KCNC4: variants seen among roughly 807,000 people sequenced by gnomAD.
The protein encoded by KCNC4 is voltage-gated potassium channel KCNC4.
In KCNC4, 23 loss-of-function variants were observed where a neutral mutation model predicts 42.8. The observed-to-expected ratio is 0.54, with a 90% CI of 0.39 to 0.76. The LOEUF (loss-of-function observed/expected upper bound fraction) is 0.76, where lower values mean the gene tolerates loss of function less well. Ranked by LOEUF, KCNC4 falls within the 30% of genes least tolerant of loss-of-function variation. The probability of loss-of-function intolerance (pLI) is 0.00; values close to 1 mark genes in which losing one functional copy is unlikely to be tolerated. For missense variants in KCNC4, 751 were observed against 898.2 expected, an observed-to-expected ratio of 0.84 and a Z score of 2.10; for synonymous variants, 422 against 393.5, an observed-to-expected ratio of 1.07 and a Z score of -0.86.
intron 2 of KCNC4, 100 bp from the exon 3 acceptor site, chr1:110,225,875 G>A: frequency 4.3e-6 from 5 of 1,163,980 alleles, no homozygotes; most frequent in Non-Finnish European, 4.9e-6. Flanking sequence ...CCCTCCCAAG[G>A]TTGAGGAAGT....
At chr1:110,230,942 G>T (rs1417486313) in intron 3 of KCNC4, among the ~76,000 whole-genome samples, 1 of 152,208 alleles carries the variant, frequency 6.6e-6, no homozygotes, top group Non-Finnish European at 1.5e-5. Flanking sequence ...TTGAGAGAAG[G>T]CTCTCTCCCA....
chr1:110,283,357 G>A (rs528778241), downstream of KCNC4, among the ~76,000 whole-genome samples: 1 of 152,102 alleles, frequency 6.6e-6, no homozygotes, highest in Non-Finnish European at 1.5e-5. Context: ...AATGTAAAAT[G>A]GTGAGTATTC....
chr1:110,226,602 A>G (rs773290842), intron 3 of KCNC4, among the ~76,000 whole-genome samples: 14 of 152,184 alleles, frequency 9.2e-5, no homozygotes, highest in Non-Finnish European at 1.9e-4. Flanking sequence ...AGGTGCCAAC[A>G]ACGTTCAAGA....
At chr1:110,260,877 C>A (rs1054639757) in intron 1 of KCNC4, among the ~76,000 whole-genome samples, 9 of 152,284 alleles carry the variant, frequency 5.9e-5, no homozygotes, top group South Asian at 4.1e-4. Context: ...TTGCAGTGAG[C>A]CGAGATCGCG....
At chr1:110,230,084 C>CTGTGCCCG (rs1345825200) in intron 3 of KCNC4, among the ~76,000 whole-genome samples, 4 of 152,168 alleles carry the variant, frequency 2.6e-5, no homozygotes, top group African/African-American at 9.7e-5. Flanking sequence ...TGTGTAAAGC[C>CTGTGCCCG]TGTGCCCGGA....
intron 1 of KCNC4, among the ~76,000 whole-genome samples, chr1:110,282,248 C>T (rs1419721193): frequency 6.6e-6 from 1 of 152,230 alleles, no homozygotes; most frequent in Non-Finnish European, 1.5e-5. Flanking sequence ...AAAATGTCAT[C>T]CCTTGAGTGG....
In KCNC4 at chr1:110,211,650, C is replaced by T. The variant is rs1443806923; in HGVS notation, c.151C>T (p.Arg51Cys). Residue 51 changes from arginine to cysteine, a missense_variant, in exon 1 of 4, where the codon CGC becomes TGC. Transcript: ENST00000438661. This position sits in a 1 kb window ranked among gnomAD's most constrained non-coding sequence, Gnocchi z 6.5. ...NVGGTRHETY[R>C]STLRTLPGTR... ...GGGCGGCACGCGACATGAGACCTACCGCAGCACCCTGCGCACCCTACCGGG... is the reference window on the plus strand; with the variant it reads ...GGGCGGCACGCGACATGAGACCTACTGCAGCACCCTGCGCACCCTACCGGG... The T allele has an allele frequency of 1.9e-6, 3 of 1,613,676 alleles. No individual in the cohort carries two copies. The highest frequency in any genetic ancestry group is 1.7e-5 in the Admixed American group (1 of 60,014).
At chr1:110,222,190 C>CTCA (rs767643752) in intron 1 of KCNC4, 13 of 152,206 alleles carry the variant, frequency 8.5e-5, no homozygotes, top group Non-Finnish European at 1.3e-4. Context: ...TAGGGGCTTC[C>CTCA]TCACCATCTA....
chr1:110,226,023 G>T lies in KCNC4; in HGVS notation c.1664G>T (p.Gly555Val). ...DANAVLSDEE[G>V]AGLTQPLASS... ...AACGCAGTGCTGTCTGATGAGGAGG[G>T]AGCTGGCCTCACCCAACCCCTGGCC... is the stretch of plus-strand genomic sequence containing the variant. The change falls in exon 3 of 4, where the codon GGA becomes GTA. Residue 555 changes from glycine (G) to valine (V), a missense_variant. Gly to Val is a moderately radical substitution (Grantham distance 109, BLOSUM62 -3). Transcript: ENST00000438661. 2 of 1,613,282 alleles carry T rather than the reference G, an allele frequency of 1.2e-6. No individual in the cohort carries two copies. The highest frequency in any genetic ancestry group is 1.7e-6 in the Non-Finnish European group (2 of 1,179,502).
intron 3 of KCNC4, 156 bp from the exon 4 acceptor site, chr1:110,232,755 C>T (rs1658760392): frequency 6.5e-7 from 1 of 1,534,882 alleles, no homozygotes; most frequent in African/African-American, 1.4e-5. Context: ...ACTCCTTAGC[C>T]CACACCCTGT....
intron 1 of KCNC4, among the ~76,000 whole-genome samples, chr1:110,275,606 A>G (rs1659704016): frequency 6.6e-6 from 1 of 152,198 alleles, no homozygotes; most frequent in African/African-American, 2.4e-5. Context: ...CTGAGTGTCC[A>G]TCAATGGAGG....
intron 1 of KCNC4, among the ~76,000 whole-genome samples, chr1:110,261,896 CA>C (rs1470643351): frequency 6.6e-6 from 1 of 152,144 alleles, no homozygotes; most frequent in Non-Finnish European, 1.5e-5. Flanking sequence ...TTTTCTTATA[CA>C]AAACAACAAG....
Position 110,210,776 on chromosome 1 carries a change from C to T in KCNC4, c.-724C>T, listed in dbSNP as rs533585393. Among the ~76,000 whole-genome samples the T allele has an allele frequency of 6.6e-6, 1 of 151,954 alleles. No individual in the cohort carries two copies. The highest frequency in any genetic ancestry group is 2.1e-4 in the South Asian group (1 of 4,822). ...ACGCAGGACCCGAGGCTCGCTCCTGCGGGCGCGCTTGTTTTCCAGCTGCCG... is the reference window on the plus strand; with the variant it reads ...ACGCAGGACCCGAGGCTCGCTCCTGTGGGCGCGCTTGTTTTCCAGCTGCCG... On this transcript the variant is annotated 5_prime_UTR_variant, in exon 1 of 4. Coordinates refer to ENST00000438661, the MANE Select transcript of KCNC4 (RefSeq NM_001039574.3).
At chr1:110,266,012 G>T (rs1659534749) in intron 1 of KCNC4, among the ~76,000 whole-genome samples, 1 of 152,226 alleles carries the variant, frequency 6.6e-6, no homozygotes, top group Non-Finnish European at 1.5e-5. Flanking sequence ...TTCACATAGA[G>T]AGCTAGGGAC....
intron 1 of KCNC4, among the ~76,000 whole-genome samples, chr1:110,271,478 A>C (rs4839281): frequency 0.28 from 42,276 of 152,050 alleles, 6,274 homozygotes; most frequent in Admixed American, 0.42. Flanking sequence ...CTAGTCTAGA[A>C]AATTTCTCTT....
chr1:110,270,393 A>G (rs1251305397), intron 1 of KCNC4, among the ~76,000 whole-genome samples: 6 of 152,252 alleles, frequency 3.9e-5, no homozygotes, highest in African/African-American at 1.4e-4. Context: ...GAGAGGGAAC[A>G]GCCATGAAAA....
intron 3 of KCNC4, among the ~76,000 whole-genome samples, chr1:110,231,357 A>G (rs1658681024): frequency 6.6e-6 from 1 of 152,108 alleles, no homozygotes; most frequent in African/African-American, 2.4e-5. Flanking sequence ...GTAAGAATCC[A>G]GGATGAGATT....
chr1:110,210,386 G>A lies in KCNC4; in HGVS notation c.-1114G>A, dbSNP rs1657364143. On this transcript the variant is annotated 5_prime_UTR_variant, in exon 1 of 4. Coordinates refer to ENST00000438661, the MANE Select transcript of KCNC4 (RefSeq NM_001039574.3). ...CCTAGGGCCCCAGCCCACCGGCGCCGAGGCGCCCCCTCCCCTATGCCACCT... is the reference window on the plus strand; with the variant it reads ...CCTAGGGCCCCAGCCCACCGGCGCCAAGGCGCCCCCTCCCCTATGCCACCT... 2.0e-5 allele frequency among the ~76,000 whole-genome samples: 3 copies of A among 151,778 alleles called. No homozygotes were observed. Among genetic ancestry groups the A allele is most frequent in the East Asian group, 1.9e-4 (1 of 5,154 alleles).
intron 1 of KCNC4, among the ~76,000 whole-genome samples, chr1:110,267,492 C>T (rs1004694077): frequency 1.3e-5 from 2 of 152,124 alleles, no homozygotes; most frequent in South Asian, 2.1e-4. Context: ...ATGCCTCCAC[C>T]GCCCACATGA....
Sources: allele counts gnomAD v4.1 joint callset (sites outside exome capture counted in the v4.1 genomes callset), GRCh38; gene constraint gnomAD v4.1.1; non-coding constraint Gnocchi (gnomAD v3.1); transcripts MANE v1.5; gene names NCBI Gene and HGNC (gene_info 2026-07-23, HGNC 2026-07-21).